ACAD11: variants seen among roughly 807,000 people sequenced by gnomAD.
ACAD11 encodes acyl-Coenzyme A dehydrogenase family, member 11.
Under a neutral mutation model 102.2 loss-of-function variants are expected in ACAD11, and 83 were observed. The ratio of observed to expected loss-of-function variants is 0.81; its 90% confidence interval spans 0.68 to 0.97. ACAD11 has a LOEUF of 0.97. Ranked by LOEUF, ACAD11 falls within the 50% of genes least tolerant of loss-of-function variation. ACAD11 has a pLI of 0.00. For missense variants in ACAD11, 901 were observed against 951.7 expected, an observed-to-expected ratio of 0.95 and a Z score of 0.70; for synonymous variants, 324 against 319.8, an observed-to-expected ratio of 1.01 and a Z score of -0.14.
At chr3:132,599,878 T>C (rs1938490532) in intron 13 of ACAD11, among the ~76,000 whole-genome samples, 1 of 152,156 alleles carries the variant, frequency 6.6e-6, no homozygotes. Flanking sequence ...ATTTAACTTA[T>C]TTAAATTAAA....
At chr3:132,641,731 A>AGAAGAAGAAG (rs1559974134) in intron 4 of ACAD11, among the ~76,000 whole-genome samples, 1 of 151,020 alleles carries the variant, frequency 6.6e-6, no homozygotes, top group Non-Finnish European at 1.5e-5. Flanking sequence ...AAGAAGAAGA[A>AGAAGAAGAAG]AAAACTGTAT....
intron 1 of ACAD11, 102 bp downstream of exon 1, chr3:132,659,500 AG>A: frequency 2.0e-6 from 3 of 1,519,740 alleles, no homozygotes; most frequent in Non-Finnish European, 2.7e-6. Flanking sequence ...CTGCAGGAAA[AG>A]CAATCAGGGT....
intron 13 of ACAD11, among the ~76,000 whole-genome samples, chr3:132,593,635 C>T (rs1301818213): frequency 6.6e-6 from 1 of 152,074 alleles, no homozygotes; most frequent in Admixed American, 6.6e-5. Flanking sequence ...CAATATTCAT[C>T]AAAATTACAG....
chr3:132,575,858 T>G lies in ACAD11; in HGVS notation c.1915A>C (p.Thr639Pro), dbSNP rs745842174. Residue 639 changes from threonine (T) to proline (P), a missense_variant, in exon 17 of 20, where the codon ACA becomes CCA. Physicochemically the swap from Thr to Pro is conservative, Grantham distance 38 (BLOSUM62 -1). Transcript: ENST00000264990. ...AAAGCGCGTTCCGCCAAACCTACTG[T>G]TCTCATACAGTGGTGGATTCTGCCA... ...GPGRIHHCMR[T>P]VGLAERALQI... The G allele has an allele frequency of 6.2e-7, 1 of 1,614,076 alleles. No individual in the cohort carries two copies. The highest frequency in any genetic ancestry group is 8.5e-7 in the Non-Finnish European group (1 of 1,179,998).
At chr3:132,641,680 G>A (rs200407342) in intron 4 of ACAD11, among the ~76,000 whole-genome samples, 13,971 of 97,826 alleles carry the variant, frequency 0.14, 863 homozygotes, top group African/African-American at 0.26. Flanking sequence ...AAGAGGAAGA[G>A]GAAGAGGAAG....
chr3:132,577,128 T>C, intron 15 of ACAD11, 113 bp from the exon 16 acceptor site: 1 of 710,616 alleles, frequency 1.4e-6, no homozygotes, highest in Non-Finnish European at 2.4e-6. Context: ...CAAAGATCCA[T>C]ATGGCATGAA....
Position 132,578,824 on chromosome 3 carries a change from T to C in ACAD11, c.1746A>G (p.Ile582Met). 3.7e-6 allele frequency: 6 copies of C among 1,613,102 alleles called. No homozygotes were observed. The highest frequency in any genetic ancestry group is 4.2e-6 in the Non-Finnish European group (5 of 1,179,490). ...TGTAGCCAAAAACTGACAAAGGCCT[T>C]ATTATTTTTACTCCAGGTGTGTTCA... ...VPMNTPGVKI[I>M]RPLSVFGYTD... Residue 582 changes from isoleucine (I) to methionine (M), a missense_variant, in exon 15 of 20, where the codon ATA becomes ATG. Coordinates refer to ENST00000264990, the MANE Select transcript of ACAD11 (RefSeq NM_032169.5).
At chr3:132,600,397 CATG>C in intron 13 of ACAD11, 1 of 1,578,348 alleles carries the variant, frequency 6.3e-7, no homozygotes, top group Non-Finnish European at 8.6e-7. Flanking sequence ...AGATTGGAGC[CATG>C]GCTTTGGAAC....
chr3:132,634,752 GC>G (rs894948891), intron 5 of ACAD11, among the ~76,000 whole-genome samples: 7 of 152,054 alleles, frequency 4.6e-5, no homozygotes, highest in African/African-American at 1.7e-4. Context: ...TCATGTCTTT[GC>G]AGGGACATGG....
chr3:132,631,532 A>C, intron 5 of ACAD11, 53 bp from the exon 6 acceptor site: 1 of 1,258,068 alleles, frequency 7.9e-7, no homozygotes, highest in African/African-American at 1.5e-5. Context: ...AAACAAGTAT[A>C]ATAAAGAAAT....
intron 7 of ACAD11, 32 bp downstream of exon 7, chr3:132,630,405 T>G: frequency 8.1e-6 from 13 of 1,598,386 alleles, no homozygotes; most frequent in Non-Finnish European, 1.1e-5. Flanking sequence ...TGGTAAATAA[T>G]GGCGAAACAC....
At chr3:132,586,530 T>A (rs1292415668) in intron 13 of ACAD11, among the ~76,000 whole-genome samples, 2 of 151,936 alleles carry the variant, frequency 1.3e-5, no homozygotes, top group African/African-American at 4.8e-5. Flanking sequence ...CCAAGAGATG[T>A]CCCACTGCAA....
chr3:132,609,386 C>T (rs1036868051), intron 11 of ACAD11, among the ~76,000 whole-genome samples: 20 of 151,936 alleles, frequency 1.3e-4, no homozygotes, highest in African/African-American at 4.6e-4. Flanking sequence ...AAATACACCA[C>T]TAGCCAGACT....
rs751411124 is a variant in ACAD11, at chr3:132,639,609, G to T, written c.585C>A (p.Ile195=). Residue 195 remains isoleucine (I), a synonymous_variant, in exon 5 of 20, where the codon ATC becomes ATA. Coordinates refer to ENST00000264990, the MANE Select transcript of ACAD11 (RefSeq NM_032169.5). ...ACTCCGATAGCTGTTGCATGGCAGG[G>T]ATGTCCTGATGAGCTGCAGCTTGAT... ...KQYQAAAHQD[I]PAMQQLSEWL... 2 of 1,613,482 alleles carry T rather than the reference G, an allele frequency of 1.2e-6. No homozygotes were observed. The highest frequency in any genetic ancestry group is 2.7e-5 in the African/African-American group (2 of 74,878).
In ACAD11 at chr3:132,575,773, T is replaced by G; in HGVS notation, c.2000A>C (p.His667Pro). 6.2e-7 allele frequency: 1 copy of G among 1,614,036 alleles called. No individual in the cohort carries two copies. Among genetic ancestry groups the G allele is most frequent in the Non-Finnish European group, 8.5e-7 (1 of 1,179,954 alleles). Residue 667 changes from histidine to proline, a missense_variant and splice_region_variant, in exon 17 of 20, where the codon CAT becomes CCT. His to Pro is a moderately conservative substitution (Grantham distance 77). Transcript: ENST00000264990. The part of the protein sequence containing the change: ...RIAFKKKLYA[H>P]EVVAHWIAES... ...ATTCAAATAAGTAATCGTCCTCACATGTGCATACAACTTCTTCTTGAAAGC... is the reference window on the plus strand; with the variant it reads ...ATTCAAATAAGTAATCGTCCTCACAGGTGCATACAACTTCTTCTTGAAAGC...
intron 13 of ACAD11, among the ~76,000 whole-genome samples, chr3:132,599,526 A>G (rs903860248): frequency 6.6e-6 from 1 of 152,112 alleles, no homozygotes; most frequent in Non-Finnish European, 1.5e-5. Flanking sequence ...TTAAATATTA[A>G]ATATTAAAAA....
At chr3:132,568,537 T>G (rs1937277435) in intron 17 of ACAD11, among the ~76,000 whole-genome samples, 1 of 152,172 alleles carries the variant, frequency 6.6e-6, no homozygotes, top group Non-Finnish European at 1.5e-5. Flanking sequence ...GGAACCAGAA[T>G]AGCTGAAACA....
At chr3:132,562,141 G>C (rs1384619541) in intron 17 of ACAD11, among the ~76,000 whole-genome samples, 1 of 152,188 alleles carries the variant, frequency 6.6e-6, no homozygotes, top group African/African-American at 2.4e-5. Context: ...GACTGGCTCT[G>C]TCGCCCAGGC....
At chr3:132,628,895 C>T (rs747183381) in intron 7 of ACAD11, among the ~76,000 whole-genome samples, 63 of 152,322 alleles carry the variant, frequency 4.1e-4, no homozygotes, top group Non-Finnish European at 4.0e-4. Flanking sequence ...AAAACTGTCT[C>T]TTTCAAACAG....
Sources: gnomAD v4.1 joint callset for allele counts (sites outside exome capture counted in the v4.1 genomes callset) on GRCh38, gnomAD v4.1.1 for gene constraint, MANE v1.5 for transcripts, NCBI Gene and HGNC (gene_info 2026-07-23, HGNC 2026-07-21) for gene names.